DGKB: variants seen among roughly 807,000 people sequenced by gnomAD.
DGKB encodes the protein 90 kDa diacylglycerol kinase.
A neutral mutation model predicts 114.3 loss-of-function variants in DGKB; 67 were observed. That is an observed-to-expected ratio of 0.59 (90% CI 0.48 to 0.72). The LOEUF is 0.72. Among genes scored for constraint, DGKB ranks in the 30% least tolerant of loss-of-function variants. DGKB has a pLI of 0.00. For synonymous variants in DGKB, 398 were observed against 323.1 expected (o/e 1.23, Z -2.49); for missense variants, 907 against 975.2 (o/e 0.93, Z 0.93).
intron 2 of DGKB, among the ~76,000 whole-genome samples, chr7:14,825,310 G>T (rs533923623): frequency 6.6e-6 from 1 of 151,768 alleles, no homozygotes. Context: ...AGTGCATTAC[G>T]TTTATTGTGC....
intron 1 of DGKB, among the ~76,000 whole-genome samples, chr7:14,925,954 G>A (rs1207538094): frequency 6.6e-6 from 1 of 152,010 alleles, no homozygotes; most frequent in African/African-American, 2.4e-5. Context: ...TGTTGAATAA[G>A]AGTAGAGAGA....
At chr7:14,648,481 A>G (rs1356237009) in intron 13 of DGKB, among the ~76,000 whole-genome samples, 1 of 147,878 alleles carries the variant, frequency 6.8e-6, no homozygotes, top group East Asian at 2.1e-4. Context: ...CATCCACACC[A>G]AAAACCCATC....
intron 21 of DGKB, among the ~76,000 whole-genome samples, chr7:14,379,869 CT>C (rs2128677477): frequency 2.1e-5 from 3 of 144,190 alleles, no homozygotes; most frequent in African/African-American, 7.6e-5. Context: ...TAAGCAGTTG[CT>C]TTTAATACAA....
chr7:14,324,556 T>G (rs1362121035), intron 23 of DGKB, among the ~76,000 whole-genome samples: 1 of 151,822 alleles, frequency 6.6e-6, no homozygotes, highest in Non-Finnish European at 1.5e-5. Flanking sequence ...CTTAAAGATA[T>G]AATTACCTAG....
At chr7:14,414,280 C>A (rs1343722220) in intron 21 of DGKB, among the ~76,000 whole-genome samples, 1 of 151,868 alleles carries the variant, frequency 6.6e-6, no homozygotes, top group Non-Finnish European at 1.5e-5. Flanking sequence ...GAAAATTTAC[C>A]CTCCAAAAGT....
intron 23 of DGKB, among the ~76,000 whole-genome samples, chr7:14,280,535 A>G (rs1799780315): frequency 2.7e-5 from 4 of 148,860 alleles, no homozygotes; most frequent in Middle Eastern, 3.5e-3. Flanking sequence ...CCTCGAGAAG[A>G]GCAACTCCAA....
intron 1 of DGKB, among the ~76,000 whole-genome samples, chr7:14,885,711 A>G (rs965515633): frequency 6.6e-6 from 1 of 151,918 alleles, no homozygotes; most frequent in African/African-American, 2.4e-5. Context: ...AGATAATTCC[A>G]TGGATTTAGG....
intron 2 of DGKB, among the ~76,000 whole-genome samples, chr7:14,828,663 C>T (rs1846021253): frequency 6.6e-6 from 1 of 152,040 alleles, no homozygotes; most frequent in Non-Finnish European, 1.5e-5. Flanking sequence ...TGGGTTCTGG[C>T]AGTAACATAC....
At chr7:14,653,674 T>C (rs1211795502) in intron 13 of DGKB, among the ~76,000 whole-genome samples, 1 of 151,646 alleles carries the variant, frequency 6.6e-6, no homozygotes, top group Non-Finnish European at 1.5e-5. Context: ...AAAAAGATAA[T>C]TCACCATGAT....
At chr7:14,153,048 C>A (rs1359892997) in intron 25 of DGKB, among the ~76,000 whole-genome samples, 2 of 151,992 alleles carry the variant, frequency 1.3e-5, no homozygotes, top group East Asian at 1.9e-4. Context: ...ATTTGTATCT[C>A]ACAGCACATA....
At chr7:14,536,372 A>G (rs1011444899) in intron 20 of DGKB, among the ~76,000 whole-genome samples, 1 of 152,224 alleles carries the variant, frequency 6.6e-6, no homozygotes, top group Non-Finnish European at 1.5e-5. Flanking sequence ...GATGAACATG[A>G]ATGCAATATC....
chr7:14,474,138 A>T (rs889278938), intron 21 of DGKB, among the ~76,000 whole-genome samples: 5 of 152,190 alleles, frequency 3.3e-5, no homozygotes, highest in African/African-American at 1.2e-4. Context: ...CTCAAATATC[A>T]TCTTGAATTT....
chr7:14,239,291 A>T (rs1350674118), intron 23 of DGKB, among the ~76,000 whole-genome samples: 1 of 90,952 alleles, frequency 1.1e-5, no homozygotes, highest in African/African-American at 6.7e-5. Context: ...ATTATTGCTG[A>T]TTTCAAAAAG....
intron 4 of DGKB, chr7:14,750,132 A>T (rs751438358): frequency 1.9e-6 from 1 of 518,560 alleles, no homozygotes; most frequent in Non-Finnish European, 3.9e-6. Context: ...AAGTTCCTTA[A>T]ATTGCCCAAC....
intron 23 of DGKB, among the ~76,000 whole-genome samples, chr7:14,285,374 G>A (rs1484605001): frequency 6.6e-6 from 1 of 152,148 alleles, no homozygotes. Flanking sequence ...GAGGTGGGAG[G>A]ATGTAGTAAG....
intron 4 of DGKB, among the ~76,000 whole-genome samples, chr7:14,737,312 T>A (rs572814586): frequency 3.9e-5 from 4 of 102,790 alleles, no homozygotes; most frequent in African/African-American, 1.1e-4. Context: ...TTTTTTTTTT[T>A]ACCCAGTTTA....
In DGKB at chr7:14,718,509, C is replaced by T. The variant is rs760182307; in HGVS notation, c.466+33G>A. 1.9e-6 allele frequency: 3 copies of T among 1,583,370 alleles called. No individual in the cohort carries two copies. The Admixed American group carries it at 5.5e-5, about 29-fold the overall frequency. ...TCCAGTCCTTTCTCCTGCCCCCAAT[C>T]ACGATAAGTAAACAAAATGAAGAAA... On this transcript the variant is annotated intron_variant, in intron 6 of 25. Transcript: ENST00000402815.
intron 25 of DGKB, among the ~76,000 whole-genome samples, chr7:14,160,023 T>C (rs1783628295): frequency 6.6e-6 from 1 of 152,146 alleles, no homozygotes; most frequent in African/African-American, 2.4e-5. Context: ...TAAATTATAT[T>C]TATGGATTTA....
At chr7:14,750,216 A>C in intron 4 of DGKB, 1 of 505,346 alleles carries the variant, frequency 2.0e-6, no homozygotes, top group South Asian at 1.4e-5. Context: ...TAGTTAAAGC[A>C]TAATTTTCTA....
Sources: allele counts gnomAD v4.1 joint callset (sites outside exome capture counted in the v4.1 genomes callset), GRCh38; gene constraint gnomAD v4.1.1; transcripts MANE v1.5; gene names NCBI Gene and HGNC (gene_info 2026-07-23, HGNC 2026-07-21).